The following NCOR2 variants were observed in gnomAD, a reference collection of about 807,000 sequenced individuals.
The protein encoded by NCOR2 is nuclear receptor corepressor 2, also known as CTG repeat protein 26.
NCOR2 carries 81 observed loss-of-function variants against 262.9 expected under a neutral mutation model. The ratio of observed to expected loss-of-function variants is 0.31; its 90% confidence interval spans 0.26 to 0.37. The LOEUF is 0.37. Among genes scored for constraint, NCOR2 ranks in the 10% least tolerant of loss-of-function variants. NCOR2 has a pLI of 1.00. For synonymous variants in NCOR2, 1,659 were observed against 1,559.3 expected (o/e 1.06, Z -1.51); for missense variants, 3,385 against 3,621.4 (o/e 0.93, Z 1.68).
At chr12:124,417,945 C>T (rs3782269) in intron 13 of NCOR2, among the ~76,000 whole-genome samples, 3,359 of 151,856 alleles carry the variant, frequency 0.022, 120 homozygotes, top group East Asian at 0.19. Context: ...CCTGTAATGC[C>T]GCCTACTTGG....
chr12:124,459,376 C>T (rs916151881), intron 5 of NCOR2, among the ~76,000 whole-genome samples: 1 of 152,152 alleles, frequency 6.6e-6, no homozygotes, highest in African/African-American at 2.4e-5. Context: ...CTCCTGCCCC[C>T]ACATCCCCTG....
intron 3 of NCOR2, among the ~76,000 whole-genome samples, chr12:124,477,613 A>G (rs1393754152): frequency 6.6e-6 from 1 of 152,226 alleles, no homozygotes; most frequent in Non-Finnish European, 1.5e-5. Context: ...TAATGTGGTT[A>G]CTTTTTTGTG....
At chr12:124,418,449 C>G (rs1311684804) in intron 13 of NCOR2, among the ~76,000 whole-genome samples, 2 of 140,784 alleles carry the variant, frequency 1.4e-5, no homozygotes, top group Non-Finnish European at 3.1e-5. Flanking sequence ...TTATGGGTCT[C>G]GACCTCTGGC....
intron 1 of NCOR2, among the ~76,000 whole-genome samples, chr12:124,524,385 G>A (rs945042751): frequency 1.3e-5 from 2 of 152,144 alleles, no homozygotes; most frequent in Admixed American, 6.5e-5. Flanking sequence ...ACCTCCTCTT[G>A]CTGTTGCAAA....
chr12:124,500,434 G>T (rs145131159), intron 1 of NCOR2, among the ~76,000 whole-genome samples: 247 of 152,296 alleles, frequency 1.6e-3, no homozygotes, highest in African/African-American at 5.9e-3. Flanking sequence ...CCCTGTTCCC[G>T]GCCACTGCGG....
At chr12:124,478,805 G>A (rs139476327) in intron 3 of NCOR2, among the ~76,000 whole-genome samples, 5 of 152,106 alleles carry the variant, frequency 3.3e-5, no homozygotes, top group Non-Finnish European at 1.5e-5. Context: ...ACAGAGACGT[G>A]GTGACAGACA....
chr12:124,340,317 T>C, exon 36 of NCOR2: 1 of 1,612,228 alleles, frequency 6.2e-7, no homozygotes, highest in Non-Finnish European at 8.5e-7. Flanking sequence ...GGGTGCGTGC[T>C]CCACCGTCGT....
chr12:124,379,156 G>C (rs891039953), intron 17 of NCOR2, among the ~76,000 whole-genome samples: 2 of 152,008 alleles, frequency 1.3e-5, no homozygotes, highest in Non-Finnish European at 2.9e-5. Context: ...TGGCAGGTGC[G>C]GGGAGTCACA....
At position 124,516,795 on chromosome 12, in the gene NCOR2, C is replaced by T. The variant is rs990403541; in HGVS notation, c.-118+18770G>A. On this transcript the variant is annotated intron_variant, in intron 1 of 46. Coordinates refer to the NCOR2 transcript ENST00000404621. ...CCTGAGATGCTGAAATCCCAGGGGC[C>T]CCCCACCCTCAGACCAGGTGCCGGT... 2.6e-5 allele frequency among the ~76,000 whole-genome samples: 4 copies of T among 152,172 alleles called. No individual in the cohort carries two copies. The Middle Eastern group carries it at 0.014, about 521-fold the overall frequency.
At chr12:124,407,773 A>C (rs547111573) in intron 13 of NCOR2, among the ~76,000 whole-genome samples, 1 of 152,370 alleles carries the variant, frequency 6.6e-6, no homozygotes, top group African/African-American at 2.4e-5. Flanking sequence ...CTCATTCAAC[A>C]AACACTTCAC....
intron 11 of NCOR2, among the ~76,000 whole-genome samples, chr12:124,426,365 C>T (rs571276783): frequency 6.6e-6 from 1 of 152,148 alleles, no homozygotes; most frequent in East Asian, 1.9e-4. Context: ...CTAGAAGCCC[C>T]GGAAGGCCAA....
At chr12:124,451,724 T>A (rs2045553313) in intron 6 of NCOR2, among the ~76,000 whole-genome samples, 1 of 152,086 alleles carries the variant, frequency 6.6e-6, no homozygotes, top group African/African-American at 2.4e-5. Flanking sequence ...GATGGAGACG[T>A]GGAGTCCTGC....
intron 1 of NCOR2, among the ~76,000 whole-genome samples, chr12:124,489,126 G>A (rs1040680293): frequency 5.3e-5 from 8 of 152,010 alleles, no homozygotes; most frequent in African/African-American, 1.9e-4. Context: ...AAGAATTGGG[G>A]AGGCCCCACC....
intron 11 of NCOR2, among the ~76,000 whole-genome samples, chr12:124,422,955 G>C (rs1351250118): frequency 6.6e-6 from 1 of 152,178 alleles, no homozygotes; most frequent in African/African-American, 2.4e-5. Context: ...GGGTCTGCTT[G>C]GGAACATGGC....
intron 1 of NCOR2, among the ~76,000 whole-genome samples, chr12:124,490,343 T>C (rs1416117805): frequency 6.6e-6 from 1 of 152,154 alleles, no homozygotes; most frequent in Non-Finnish European, 1.5e-5. Context: ...TTACCTGTTC[T>C]GTTCACAGCT....
intron 7 of NCOR2, among the ~76,000 whole-genome samples, chr12:124,439,302 GAGAGAC>G (rs2044658220): frequency 1.5e-5 from 1 of 67,028 alleles, no homozygotes; most frequent in Non-Finnish European, 3.7e-5. Flanking sequence ...CCCAGAGAGA[GAGAGAC>G]AGAGACCCAG....
chr12:124,376,003 C>T (rs780951168), intron 18 of NCOR2, among the ~76,000 whole-genome samples: 27 of 152,186 alleles, frequency 1.8e-4, no homozygotes, highest in Non-Finnish European at 3.7e-4. Flanking sequence ...AGACAGGTCA[C>T]GCAGCGTGCG....
In NCOR2 at chr12:124,483,634, C is replaced by T. The variant is rs779023919; in HGVS notation, c.373G>A (p.Ala125Thr). ...TCAGATCCCGCAGGCTGGCCCGTGG[C>T]CAGCAGGGGTGACGGTCGCAGCAGG... is the stretch of plus-strand genomic sequence containing the variant. The change falls in exon 3 of 47, where the codon GCC becomes ACC. Residue 125 changes from alanine (A) to threonine (T), a missense_variant. Ala to Thr is a moderately conservative substitution (Grantham distance 58). Transcript: ENST00000405201. This position sits in a 1 kb window ranked among gnomAD's most constrained non-coding sequence, Gnocchi z 6.3. The T allele has an allele frequency of 1.2e-6, 2 of 1,609,388 alleles. No homozygotes were observed. Among genetic ancestry groups the T allele is most frequent in the Admixed American group, 3.4e-5 (2 of 59,332 alleles).
At chr12:124,491,012 G>A (rs1412983991) in intron 1 of NCOR2, among the ~76,000 whole-genome samples, 1 of 152,266 alleles carries the variant, frequency 6.6e-6, no homozygotes, top group African/African-American at 2.4e-5. Flanking sequence ...TAGGCCAAGA[G>A]GCAGCACACT....
Sources: gnomAD v4.1 joint callset for allele counts (sites outside exome capture counted in the v4.1 genomes callset) on GRCh38, gnomAD v4.1.1 for gene constraint, Gnocchi (gnomAD v3.1) non-coding constraint, MANE v1.5 for transcripts, NCBI Gene and HGNC (gene_info 2026-07-23, HGNC 2026-07-21) for gene names.